The following POU2F3 variants were observed in gnomAD, a reference collection of about 807,000 sequenced individuals.
POU2F3 encodes the protein POU class 2 homeobox 3, also known as POU domain, class 2, transcription factor 3.
Under a neutral mutation model 59.2 loss-of-function variants are expected in POU2F3, and 23 were observed. The ratio of observed to expected loss-of-function variants is 0.39; its 90% confidence interval spans 0.28 to 0.55. POU2F3 has a LOEUF of 0.55. Among genes scored for constraint, POU2F3 ranks in the 20% least tolerant of loss-of-function variants. The pLI is 0.66. For missense variants in POU2F3, 473 were observed against 544.5 expected (o/e 0.87, Z 1.31); for synonymous variants, 190 against 214.6 (o/e 0.89, Z 1.00).
chr11:120,317,722 T>C (rs1941825819), intron 12 of POU2F3, among the ~76,000 whole-genome samples: 1 of 152,166 alleles, frequency 6.6e-6, no homozygotes, highest in Admixed American at 6.5e-5. Context: ...AGCCCAGAGC[T>C]TAGGCACAAA....
At position 120,246,466 on chromosome 11, in the gene POU2F3, G is replaced by T. The variant is rs763789041; in HGVS notation, c.46G>T (p.Asp16Tyr). ...SMHTDIKMSGDVADSTDARST... is the reference protein window; with the variant it reads ...SMHTDIKMSGYVADSTDARST... ...CCCTGCAGATATCAAGATGAGTGGGGATGTAGCCGATTCCACGGATGCTCG... is the reference window on the plus strand; with the variant it reads ...CCCTGCAGATATCAAGATGAGTGGGTATGTAGCCGATTCCACGGATGCTCG... Residue 16 changes from aspartate (D) to tyrosine (Y), a missense_variant, in exon 2 of 13, where the codon GAT becomes TAT. By Grantham distance (160) the Asp-to-Tyr change is radical. Transcript: ENST00000543440. 1 of 1,613,808 alleles carries T rather than the reference G, an allele frequency of 6.2e-7. No homozygotes were observed. The highest frequency in any genetic ancestry group is 1.3e-5 in the African/African-American group (1 of 74,934).
chr11:120,266,182 C>T (rs1182627702), intron 2 of POU2F3, among the ~76,000 whole-genome samples: 2 of 152,176 alleles, frequency 1.3e-5, no homozygotes, highest in Admixed American at 6.5e-5. Context: ...GTGGCACCAC[C>T]ACAGCTTCAC....
chr11:120,272,172 C>T (rs538031618), intron 3 of POU2F3, among the ~76,000 whole-genome samples: 8 of 152,278 alleles, frequency 5.3e-5, no homozygotes, highest in South Asian at 2.1e-4. Context: ...GTAGGTGATA[C>T]GATCCTCATT....
At chr11:120,266,759 T>C (rs1939841511) in intron 2 of POU2F3, among the ~76,000 whole-genome samples, 1 of 152,202 alleles carries the variant, frequency 6.6e-6, no homozygotes, top group Non-Finnish European at 1.5e-5. Flanking sequence ...TTACAGTGCC[T>C]TCTTGTTCTC....
chr11:120,239,823 G>T (rs1004300342), upstream of POU2F3, among the ~76,000 whole-genome samples: 46 of 152,184 alleles, frequency 3.0e-4, no homozygotes, highest in Non-Finnish European at 5.3e-4. Context: ...TCCTTGCAGC[G>T]CTTACACTTC....
At chr11:120,244,073 TC>T in intron 1 of POU2F3, among the ~76,000 whole-genome samples, 1 of 152,298 alleles carries the variant, frequency 6.6e-6, no homozygotes, top group Admixed American at 6.5e-5. Context: ...AGAATTACCT[TC>T]TTAAATTTCA....
chr11:120,251,311 T>C (rs1402194210), intron 2 of POU2F3, among the ~76,000 whole-genome samples: 1 of 152,220 alleles, frequency 6.6e-6, no homozygotes, highest in Non-Finnish European at 1.5e-5. Context: ...TGTGAGCCTG[T>C]GCGTGCGCAC....
At chr11:120,305,359 G>C in intron 7 of POU2F3, 147 bp downstream of exon 7, 1 of 1,001,172 alleles carries the variant, frequency 1.0e-6, no homozygotes, top group South Asian at 1.8e-5. Flanking sequence ...ATAGGGCACA[G>C]TTGCCATTGG....
chr11:120,305,966 G>A (rs1029611747), intron 8 of POU2F3, among the ~76,000 whole-genome samples, 181 bp downstream of exon 8: 13 of 151,962 alleles, frequency 8.6e-5, no homozygotes, highest in Admixed American at 7.2e-4. Context: ...GTGTCAGCTC[G>A]ACTACTGAGA....
chr11:120,266,622 G>A (rs1213541779), intron 2 of POU2F3, among the ~76,000 whole-genome samples: 9 of 152,144 alleles, frequency 5.9e-5, no homozygotes, highest in South Asian at 2.1e-4. Context: ...TCTTTCCATC[G>A]GAAATGATCT....
At chr11:120,302,629 A>C in intron 6 of POU2F3, 1 of 461,026 alleles carries the variant, frequency 2.2e-6, no homozygotes, top group South Asian at 3.0e-5. Flanking sequence ...CAGGCACTGA[A>C]CTCCAACCCT....
At chr11:120,303,815 GAGA>G (rs976012633) in intron 6 of POU2F3, 67 of 152,252 alleles carry the variant, frequency 4.4e-4, no homozygotes, top group African/African-American at 1.6e-3. Flanking sequence ...TATCCCAGAG[GAGA>G]AGAAGTAATG....
chr11:120,279,050 T>C (rs1284464974), intron 3 of POU2F3, among the ~76,000 whole-genome samples: 2 of 152,188 alleles, frequency 1.3e-5, no homozygotes, highest in Admixed American at 1.3e-4. Context: ...CCCTGTGAAG[T>C]AGTTGTCATC....
chr11:120,295,540 A>T (rs1448049096), intron 3 of POU2F3, among the ~76,000 whole-genome samples: 1 of 152,256 alleles, frequency 6.6e-6, no homozygotes, highest in African/African-American at 2.4e-5. Flanking sequence ...CCCCTCTCAG[A>T]TCAAACCTTA....
At chr11:120,261,620 G>A (rs1939607570) in intron 2 of POU2F3, among the ~76,000 whole-genome samples, 3 of 152,136 alleles carry the variant, frequency 2.0e-5, no homozygotes, top group Admixed American at 1.3e-4. Context: ...CCTCCCTTCT[G>A]TGTACTTAAT....
At chr11:120,305,527 G>C in intron 7 of POU2F3, 117 bp from the exon 8 acceptor site, 1 of 1,435,978 alleles carries the variant, frequency 7.0e-7, no homozygotes, top group Non-Finnish European at 9.5e-7. Flanking sequence ...CCGAGCATGG[G>C]TGAGCACTCA....
chr11:120,303,345 T>C (rs961831212), intron 6 of POU2F3: 2 of 152,190 alleles, frequency 1.3e-5, no homozygotes, highest in African/African-American at 4.8e-5. Flanking sequence ...TCATCTCTTA[T>C]CATATTTTGG....
At chr11:120,295,097 G>A (rs1941154161) in intron 3 of POU2F3, among the ~76,000 whole-genome samples, 1 of 152,304 alleles carries the variant, frequency 6.6e-6, no homozygotes, top group East Asian at 1.9e-4. Context: ...GGGAGGTTGG[G>A]AGTGCCCCCC....
At chr11:120,261,527 T>G (rs868073254) in intron 2 of POU2F3, among the ~76,000 whole-genome samples, 7 of 152,184 alleles carry the variant, frequency 4.6e-5, no homozygotes, top group African/African-American at 1.7e-4. Context: ...CCTTCCTACT[T>G]GGCACAGATC....
Sources: gnomAD v4.1 joint callset for allele counts (sites outside exome capture counted in the v4.1 genomes callset) on GRCh38, gnomAD v4.1.1 for gene constraint, MANE v1.5 for transcripts, NCBI Gene and HGNC (gene_info 2026-07-23, HGNC 2026-07-21) for gene names.